PDE11A: variants seen among roughly 807,000 people sequenced by gnomAD.
The protein encoded by PDE11A is dual 3',5'-cyclic-AMP and -GMP phosphodiesterase 11A.
A neutral mutation model predicts 100.5 loss-of-function variants in PDE11A; 100 were observed. The ratio of observed to expected loss-of-function variants is 1.00; its 90% CI spans 0.85 to 1.18. The LOEUF (loss-of-function observed/expected upper bound fraction) is 1.18, where lower values mean the gene tolerates loss of function less well. Ranked by LOEUF, PDE11A falls within the 50% of genes most tolerant of loss-of-function variation. The probability of loss-of-function intolerance (pLI) is 0.00; values close to 1 mark genes in which losing one functional copy is unlikely to be tolerated. For synonymous variants in PDE11A, 381 were observed against 420.8 expected, an observed-to-expected ratio of 0.91 and a Z score of 1.16; for missense variants, 1,141 against 1,152.6, an observed-to-expected ratio of 0.99 and a Z score of 0.15.
intron 2 of PDE11A, chr2:177,922,600 T>C (rs1018730422): frequency 1.3e-6 from 1 of 753,526 alleles, no homozygotes; most frequent in Non-Finnish European, 1.6e-6. Context: ...GTCCCATACC[T>C]GACATCACTG....
At chr2:177,701,242 G>T in intron 13 of PDE11A, 31 bp from the exon 14 acceptor site, 1 of 1,058,086 alleles carries the variant, frequency 9.5e-7, no homozygotes, top group Non-Finnish European at 1.5e-6. Flanking sequence ...AGTGAGCAGG[G>T]CCTATCGATG....
At chr2:177,675,966 G>T in intron 16 of PDE11A, 2 of 306,062 alleles carry the variant, frequency 6.5e-6, no homozygotes, top group South Asian at 3.1e-5. Flanking sequence ...CACCAAAGAG[G>T]CAAGGCACAT....
chr2:177,837,746 G>A (rs780744927), intron 6 of PDE11A, among the ~76,000 whole-genome samples: 3 of 152,040 alleles, frequency 2.0e-5, no homozygotes, highest in African/African-American at 7.2e-5. Context: ...AAAATACTTC[G>A]TACACTGGTA....
chr2:178,102,991 C>T (rs2087578420), intron 2 of PDE11A, among the ~76,000 whole-genome samples: 1 of 152,070 alleles, frequency 6.6e-6, no homozygotes, highest in Non-Finnish European at 1.5e-5. Context: ...CATGTAATAA[C>T]AAAGTCAGAG....
chr2:178,075,148 G>A (rs2087191369), upstream of PDE11A, among the ~76,000 whole-genome samples: 2 of 152,148 alleles, frequency 1.3e-5, no homozygotes, highest in Admixed American at 6.5e-5. Flanking sequence ...CGGTAGAGAA[G>A]TTACCACCCC....
At chr2:177,668,382 CTG>C (rs2080621521) in intron 18 of PDE11A, among the ~76,000 whole-genome samples, 1 of 152,100 alleles carries the variant, frequency 6.6e-6, no homozygotes, top group Non-Finnish European at 1.5e-5. Flanking sequence ...TATACATTAA[CTG>C]TATGTATCCC....
chr2:177,736,415 T>G (rs2105458219), intron 10 of PDE11A, among the ~76,000 whole-genome samples: 1 of 151,848 alleles, frequency 6.6e-6, no homozygotes, highest in African/African-American at 2.4e-5. Context: ...TCCCAGCTAC[T>G]TAGGAGGCTG....
intron 5 of PDE11A, among the ~76,000 whole-genome samples, chr2:177,841,770 A>C (rs890456558): frequency 6.6e-6 from 1 of 152,258 alleles, no homozygotes; most frequent in Non-Finnish European, 1.5e-5. Context: ...CTCTGGCTGA[A>C]AAATGGAAGT....
intron 1 of PDE11A, among the ~76,000 whole-genome samples, chr2:178,031,567 A>C (rs2086547961): frequency 6.6e-6 from 1 of 152,192 alleles, no homozygotes; most frequent in Non-Finnish European, 1.5e-5. Context: ...AAATATCAAT[A>C]AACATTTTTA....
intron 19 of PDE11A, among the ~76,000 whole-genome samples, chr2:177,644,581 T>C (rs2080194368): frequency 1.3e-5 from 2 of 152,216 alleles, no homozygotes; most frequent in Non-Finnish European, 2.9e-5. Flanking sequence ...AGATGAGACT[T>C]TGGACTGTGA....
rs557104355 is a variant in PDE11A, at chr2:177,906,165, T to TCA, written c.1072-980_1072-979dup. On this transcript the variant is annotated intron_variant, in intron 2 of 19. Coordinates refer to ENST00000286063, the MANE Select transcript of PDE11A (RefSeq NM_016953.4). ...GACTCTATGTCTCTCTGTCTCTCTC[T>TCA]CACACACACACACACGCACGCACGC... Among the ~76,000 whole-genome samples, 796 of 144,750 alleles carry TCA rather than the reference T, an allele frequency of 5.5e-3. 7 individuals are homozygous for TCA. The highest frequency in any genetic ancestry group is 9.3e-3 in the Admixed American group (136 of 14,682). The allele number at this position is 144,750 out of a possible 152,430, so 95.0% of individuals were successfully genotyped here.
rs549666741 is a variant in PDE11A at position 177,950,783 on chromosome 2, C to T, written c.1072-45596G>A. Among the ~76,000 whole-genome samples the T allele has an allele frequency of 1.1e-4, 16 of 152,290 alleles. No homozygotes were observed. The South Asian group carries it at 1.2e-3, about 12-fold the overall frequency. ...AACATTAGCCGAGCGCCATGGCAGG[C>T]GCCGATAGTCCCAGCTACTTGGGAC... On this transcript the variant is annotated intron_variant, in intron 2 of 19. Transcript: ENST00000286063.
At chr2:178,024,895 T>C (rs2086459832) in intron 1 of PDE11A, among the ~76,000 whole-genome samples, 1 of 152,244 alleles carries the variant, frequency 6.6e-6, no homozygotes, top group African/African-American at 2.4e-5. Flanking sequence ...CGAAAATTGA[T>C]TAGTCTTTAA....
intron 2 of PDE11A, among the ~76,000 whole-genome samples, chr2:177,982,200 C>G (rs973049906): frequency 6.0e-5 from 9 of 150,556 alleles, no homozygotes; most frequent in African/African-American, 2.2e-4. Context: ...CTTTTTTTCT[C>G]CTTAAATGTC....
At chr2:178,084,047 AAAC>A (rs2087319883) in intron 2 of PDE11A, among the ~76,000 whole-genome samples, 1 of 152,220 alleles carries the variant, frequency 6.6e-6, no homozygotes, top group African/African-American at 2.4e-5. Context: ...GTATAGAAAA[AAAC>A]TATATAGAAA....
chr2:178,000,529 C>G (rs2086131422), intron 2 of PDE11A, among the ~76,000 whole-genome samples: 1 of 152,122 alleles, frequency 6.6e-6, no homozygotes, highest in African/African-American at 2.4e-5. Context: ...TAGACTAATC[C>G]TCACCTTCTT....
At chr2:178,098,920 C>T (rs1458366987) in intron 2 of PDE11A, among the ~76,000 whole-genome samples, 2 of 152,112 alleles carry the variant, frequency 1.3e-5, no homozygotes, top group African/African-American at 4.8e-5. Flanking sequence ...TCTCATGATA[C>T]GATTTCTTTA....
At chr2:177,995,646 A>ACC (rs3067378) in intron 2 of PDE11A, among the ~76,000 whole-genome samples, 79,994 of 146,950 alleles carry the variant, frequency 0.54, 23,287 homozygotes, top group East Asian at 0.68. Context: ...CACAAACACC[A>ACC]CCCACCCCGC....
chr2:177,680,162 C>A (rs192455589), intron 16 of PDE11A, among the ~76,000 whole-genome samples: 35 of 152,118 alleles, frequency 2.3e-4, no homozygotes, highest in Admixed American at 2.3e-3. Flanking sequence ...CCTGGCCTCA[C>A]GAGCTCTCCC....
Sources: gnomAD v4.1 joint callset for allele counts (sites outside exome capture counted in the v4.1 genomes callset) on GRCh38, gnomAD v4.1.1 for gene constraint, MANE v1.5 for transcripts, NCBI Gene and HGNC (gene_info 2026-07-23, HGNC 2026-07-21) for gene names.